The following EYS variants were observed in gnomAD, a reference collection of about 807,000 sequenced individuals.
EYS encodes EGF-like photoreceptor maintenance factor, also known as protein eyes shut homolog.
A neutral mutation model predicts 282.1 loss-of-function variants in EYS; 250 were observed. The observed-to-expected ratio is 0.89, with a 90% CI of 0.80 to 0.98. EYS has a LOEUF of 0.98. Among genes scored for constraint, EYS ranks in the 50% least tolerant of loss-of-function variants. The probability of loss-of-function intolerance (pLI) is 0.00; values close to 1 mark genes in which losing one functional copy is unlikely to be tolerated. For missense variants in EYS, 4,016 were observed against 3,709.0 expected (o/e 1.08, Z -2.15); for synonymous variants, 1,355 against 1,282.9 (o/e 1.06, Z -1.20).
intron 21 of EYS, among the ~76,000 whole-genome samples, chr6:64,815,741 G>T (rs1026854441): frequency 3.3e-5 from 5 of 152,058 alleles, no homozygotes; most frequent in African/African-American, 1.2e-4. Context: ...GATGGAAGCT[G>T]GGAGGAATCC....
intron 30 of EYS, among the ~76,000 whole-genome samples, chr6:64,258,158 T>C (rs1373179168): frequency 6.6e-6 from 1 of 152,050 alleles, no homozygotes; most frequent in Non-Finnish European, 1.5e-5. Flanking sequence ...TAAATTCAAA[T>C]GTTATATGTG....
chr6:65,084,327 T>C (rs1774306432), intron 12 of EYS, among the ~76,000 whole-genome samples: 1 of 152,000 alleles, frequency 6.6e-6, no homozygotes, highest in Non-Finnish European at 1.5e-5. Context: ...CCAAATACGA[T>C]GAACAGTAGA....
chr6:64,864,041 T>C (rs4538686), intron 19 of EYS, among the ~76,000 whole-genome samples: 83,770 of 151,624 alleles, frequency 0.55, 23,907 homozygotes, highest in Non-Finnish European at 0.62. Flanking sequence ...GTGTTTCTCT[T>C]GTGTCACACA....
intron 31 of EYS, among the ~76,000 whole-genome samples, chr6:64,138,809 T>G (rs1774246260): frequency 6.6e-6 from 1 of 152,192 alleles, no homozygotes; most frequent in Non-Finnish European, 1.5e-5. Flanking sequence ...AGTTATAAAC[T>G]ATTTGAGTTA....
intron 22 of EYS, among the ~76,000 whole-genome samples, chr6:64,788,516 G>A (rs1774088866): frequency 6.6e-6 from 1 of 152,118 alleles, no homozygotes; most frequent in African/African-American, 2.4e-5. Flanking sequence ...AGGTGTTCAT[G>A]TGTATGTTTG....
intron 22 of EYS, among the ~76,000 whole-genome samples, chr6:64,786,832 T>A (rs1348058825): frequency 6.6e-6 from 1 of 152,220 alleles, no homozygotes; most frequent in African/African-American, 2.4e-5. Flanking sequence ...TAACCTTCTT[T>A]GGAGCTACTC....
At chr6:63,846,273 C>T (rs562505594) in intron 36 of EYS, among the ~76,000 whole-genome samples, 74 of 152,180 alleles carry the variant, frequency 4.9e-4, no homozygotes, top group African/African-American at 1.7e-3. Context: ...GGTATTCCTC[C>T]GGGAAGCCCC....
chr6:64,833,631 CAT>C (rs1299663912), intron 19 of EYS, among the ~76,000 whole-genome samples: 4 of 151,810 alleles, frequency 2.6e-5, no homozygotes, highest in Non-Finnish European at 5.9e-5. Context: ...TCAGTGAGCT[CAT>C]GTGTAAATTT....
At chr6:65,379,139 CA>C (rs1254573576) in intron 8 of EYS, among the ~76,000 whole-genome samples, 2 of 152,054 alleles carry the variant, frequency 1.3e-5, no homozygotes, top group East Asian at 3.9e-4. Flanking sequence ...ATCCTGATTC[CA>C]AAACCTGGAA....
intron 24 of EYS, among the ~76,000 whole-genome samples, chr6:64,603,489 G>T (rs918984952): frequency 2.0e-5 from 3 of 151,928 alleles, no homozygotes; most frequent in African/African-American, 7.2e-5. Context: ...AAATCCATTA[G>T]ACAGGAAATC....
At chr6:65,399,660 C>T (rs577101508) in intron 7 of EYS, among the ~76,000 whole-genome samples, 1 of 152,020 alleles carries the variant, frequency 6.6e-6, no homozygotes, top group South Asian at 2.1e-4. Context: ...AATATGTGAG[C>T]AATCTAACTC....
At chr6:64,479,391 C>A (rs1041658581) in intron 26 of EYS, among the ~76,000 whole-genome samples, 5 of 151,890 alleles carry the variant, frequency 3.3e-5, no homozygotes, top group African/African-American at 1.2e-4. Context: ...CATTCAAGAC[C>A]TTTCAAAGAA....
Position 65,359,517 on chromosome 6 carries a change from T to G in EYS, c.1300-5900A>C, listed in dbSNP as rs546322626. On this transcript the variant is annotated intron_variant, in intron 8 of 42. Coordinates refer to ENST00000503581, the MANE Select transcript of EYS (RefSeq NM_001142800.2). ...AGATAATGATTTCCATTAGAAATCT[T>G]GCTTTTCATGATGTATTAAGCATTG... Among the ~76,000 whole-genome samples, 5 of 152,146 alleles carry G rather than the reference T, an allele frequency of 3.3e-5. No individual in the cohort carries two copies. The East Asian group carries it at 9.7e-4, about 29-fold the overall frequency.
At chr6:64,433,708 TTTGTAATAAAGATAGTGAAAAATA>T (rs1370686915) in intron 28 of EYS, among the ~76,000 whole-genome samples, 1 of 152,012 alleles carries the variant, frequency 6.6e-6, no homozygotes, top group Non-Finnish European at 1.5e-5. Context: ...AAAGTGACAT[TTTGTAATAAAGATAGTGAAAAATA>T]TGTATTCTTG....
chr6:63,734,870 A>G (rs1379019875), intron 41 of EYS, among the ~76,000 whole-genome samples: 1 of 152,134 alleles, frequency 6.6e-6, no homozygotes, highest in Non-Finnish European at 1.5e-5. Context: ...GAGATCGGTA[A>G]GGAATTTAGG....
At chr6:64,034,315 C>T (rs1217575320) in intron 33 of EYS, among the ~76,000 whole-genome samples, 1 of 152,088 alleles carries the variant, frequency 6.6e-6, no homozygotes, top group African/African-American at 2.4e-5. Context: ...TGCCAGAGAC[C>T]AAGTACTTTT....
intron 26 of EYS, among the ~76,000 whole-genome samples, chr6:64,567,950 T>C (rs988339957): frequency 6.6e-6 from 1 of 152,218 alleles, no homozygotes; most frequent in African/African-American, 2.4e-5. Context: ...CCCATCATAC[T>C]GTCTGGAGAA....
chr6:65,468,690 C>G (rs575082636), intron 5 of EYS, among the ~76,000 whole-genome samples: 153 of 143,978 alleles, frequency 1.1e-3, no homozygotes, highest in African/African-American at 3.1e-3. Flanking sequence ...AAACATATAC[C>G]TTGATATACC....
At chr6:64,843,391 C>G (rs1387361065) in intron 19 of EYS, among the ~76,000 whole-genome samples, 2 of 152,156 alleles carry the variant, frequency 1.3e-5, no homozygotes, top group African/African-American at 2.4e-5. Flanking sequence ...CCTGTGAAAG[C>G]AGCCCGGAGG....
Sources: allele counts gnomAD v4.1 joint callset (sites outside exome capture counted in the v4.1 genomes callset), GRCh38; gene constraint gnomAD v4.1.1; transcripts MANE v1.5; gene names NCBI Gene and HGNC (gene_info 2026-07-23, HGNC 2026-07-21).